MED12L: variants seen among roughly 807,000 people sequenced by gnomAD.
MED12L encodes the protein mediator of RNA polymerase II transcription subunit 12-like protein.
A neutral mutation model predicts 281.3 loss-of-function variants in MED12L; 60 were observed. The ratio of observed to expected loss-of-function variants is 0.21; its 90% CI spans 0.17 to 0.26. The LOEUF (loss-of-function observed/expected upper bound fraction) is 0.26, where lower values mean the gene tolerates loss of function less well. Ranked by LOEUF, MED12L falls within the 10% of genes least tolerant of loss-of-function variation. The pLI is 1.00. For missense variants in MED12L, 2,146 were observed against 2,680.9 expected, an observed-to-expected ratio of 0.80 and a Z score of 4.41; for synonymous variants, 974 against 987.2, an observed-to-expected ratio of 0.99 and a Z score of 0.25.
At chr3:151,245,080 A>C (rs1735106863) in intron 16 of MED12L, among the ~76,000 whole-genome samples, 1 of 152,234 alleles carries the variant, frequency 6.6e-6, no homozygotes, top group Admixed American at 6.5e-5. Context: ...AAGAAGTTGA[A>C]TCTCTGAATA....
At chr3:151,106,054 G>A (rs1384571013) in intron 2 of MED12L, among the ~76,000 whole-genome samples, 1 of 151,822 alleles carries the variant, frequency 6.6e-6, no homozygotes, top group African/African-American at 2.4e-5. Context: ...CCACCATCTT[G>A]GTCCAAGCTA....
chr3:151,368,453 T>C (rs1010289836), intron 25 of MED12L, among the ~76,000 whole-genome samples: 2 of 152,038 alleles, frequency 1.3e-5, no homozygotes, highest in African/African-American at 4.8e-5. Flanking sequence ...TATTGAGAAA[T>C]ACGAATCAAG....
At chr3:151,225,700 A>G (rs1201283804) in intron 16 of MED12L, among the ~76,000 whole-genome samples, 1 of 152,138 alleles carries the variant, frequency 6.6e-6, no homozygotes, top group Non-Finnish European at 1.5e-5. Flanking sequence ...AGGCTCAGTC[A>G]AGGAGAATCT....
At chr3:151,408,426 C>A (rs748765920) in intron 39 of MED12L, among the ~76,000 whole-genome samples, 8 of 152,008 alleles carry the variant, frequency 5.3e-5, no homozygotes, top group Non-Finnish European at 8.8e-5. Flanking sequence ...CTGTTAAAGA[C>A]AGTAGTAAAA....
At chr3:151,213,543 C>T (rs912376640) in intron 16 of MED12L, 10 of 1,614,176 alleles carry the variant, frequency 6.2e-6, no homozygotes, top group Non-Finnish European at 8.5e-6. Flanking sequence ...CGGTCTGACT[C>T]TTTGTGTAGG....
intron 16 of MED12L, chr3:151,327,730 A>G (rs1749803561): frequency 7.5e-6 from 2 of 265,088 alleles, no homozygotes; most frequent in Non-Finnish European, 1.3e-5. Flanking sequence ...AATGCTCTTG[A>G]AATTAAAAAA....
At chr3:151,305,393 T>C (rs1342220405) in intron 16 of MED12L, among the ~76,000 whole-genome samples, 3 of 152,200 alleles carry the variant, frequency 2.0e-5, no homozygotes, top group Non-Finnish European at 2.9e-5. Context: ...GTATTTTCCT[T>C]TGGCTATTTT....
At chr3:151,424,850 C>T (rs767502372) in intron 43 of MED12L, among the ~76,000 whole-genome samples, 5 of 152,108 alleles carry the variant, frequency 3.3e-5, no homozygotes, top group African/African-American at 7.2e-5. Context: ...ATGCTTCATT[C>T]GTCGGAGCAA....
intron 16 of MED12L, among the ~76,000 whole-genome samples, chr3:151,277,989 A>T (rs1365848471): frequency 6.6e-6 from 1 of 152,248 alleles, no homozygotes; most frequent in Non-Finnish European, 1.5e-5. Flanking sequence ...TCCTGGATGA[A>T]TACCTTTTAA....
intron 16 of MED12L, among the ~76,000 whole-genome samples, chr3:151,282,062 A>G (rs1455015134): frequency 2.6e-5 from 4 of 152,162 alleles, no homozygotes; most frequent in African/African-American, 9.7e-5. Context: ...ATTTTTCTTT[A>G]AAGTAAGTAC....
At chr3:151,417,552 C>G (rs1184354272) in intron 43 of MED12L, among the ~76,000 whole-genome samples, 1 of 124,626 alleles carries the variant, frequency 8.0e-6, no homozygotes, top group African/African-American at 3.0e-5. Flanking sequence ...GCAGTGCGAT[C>G]TCAGCTCACT....
At chr3:151,155,454 C>T (rs115990366) in intron 5 of MED12L, among the ~76,000 whole-genome samples, 472 of 152,260 alleles carry the variant, frequency 3.1e-3, no homozygotes, top group Admixed American at 4.6e-3. Context: ...TCCCCAACCT[C>T]TCTGATTTCA....
rs554798872 is a variant in MED12L at position 151,300,003 on chromosome 3, A to G, written c.2251-50056A>G. ...TGACCATTAAACTCCCCAAATTCCC[A>G]AACAGTGGAAATAATAGTCATCAAT... On this transcript the variant is annotated intron_variant, in intron 16 of 44. Coordinates refer to ENST00000687756, the MANE Select transcript of MED12L (RefSeq NM_001393769.1). 4 of 1,121,552 alleles carry G rather than the reference A, an allele frequency of 3.6e-6. No individual in the cohort carries two copies. In the East Asian group the frequency reaches 9.4e-5, roughly 26 times the overall value. 69.5% of individuals were successfully genotyped at this position (1,121,552 alleles called of 1,614,324 possible). A position where few individuals can be genotyped will look rare whatever the true frequency, so the allele number is the denominator to read the frequency against.
intron 43 of MED12L, chr3:151,425,878 G>A: frequency 2.5e-6 from 1 of 401,342 alleles, no homozygotes; most frequent in South Asian, 1.8e-5. Flanking sequence ...GATCTTTGAA[G>A]GATGAGTAGA....
chr3:151,118,385 G>C (rs1414164157), intron 3 of MED12L, among the ~76,000 whole-genome samples: 2 of 152,240 alleles, frequency 1.3e-5, no homozygotes, highest in East Asian at 1.9e-4. Context: ...TACTTAAGCA[G>C]TGTGAAAGAA....
chr3:151,086,436 G>C (rs1488642849), intron 1 of MED12L: 1 of 152,214 alleles, frequency 6.6e-6, no homozygotes, highest in Non-Finnish European at 1.5e-5. Context: ...GGCCACCCTC[G>C]CCTTGGGCGA....
At chr3:151,151,031 C>CTTTTTTTTTTTTTTTTTTTTTTT in intron 5 of MED12L, among the ~76,000 whole-genome samples, 411 of 32,882 alleles carry the variant, frequency 0.012, 161 homozygotes, top group Non-Finnish European at 0.015. Flanking sequence ...GCTGAAGTAG[C>CTTTTTTTTTTTTTTTTTTTTTTT]TTTTTTTTTT....
chr3:151,264,310 A>G (rs879841833), intron 16 of MED12L, among the ~76,000 whole-genome samples: 1 of 152,256 alleles, frequency 6.6e-6, no homozygotes, highest in Non-Finnish European at 1.5e-5. Context: ...GTTTGTGCTC[A>G]CTTAGCATAA....
chr3:151,099,323 G>A (rs974287078), intron 2 of MED12L, among the ~76,000 whole-genome samples: 3 of 152,132 alleles, frequency 2.0e-5, no homozygotes, highest in Non-Finnish European at 4.4e-5. Context: ...AAAGATTGAG[G>A]ATCTATTAAG....
Sources: allele counts gnomAD v4.1 joint callset (sites outside exome capture counted in the v4.1 genomes callset), GRCh38; gene constraint gnomAD v4.1.1; transcripts MANE v1.5; gene names NCBI Gene and HGNC (gene_info 2026-07-23, HGNC 2026-07-21).